The following BMERB1 variants were observed in gnomAD, a reference collection of about 807,000 sequenced individuals.
BMERB1 encodes bMERB domain-containing protein 1.
BMERB1 carries 12 observed loss-of-function variants against 23.6 expected under a neutral mutation model. That is an observed-to-expected ratio of 0.51 (90% CI 0.33 to 0.82). The LOEUF is 0.82. Among genes scored for constraint, BMERB1 ranks in the 40% least tolerant of loss-of-function variants. The probability of loss-of-function intolerance (pLI) is 0.03; values close to 1 mark genes in which losing one functional copy is unlikely to be tolerated. For missense variants in BMERB1, 247 were observed against 255.4 expected, an observed-to-expected ratio of 0.97 and a Z score of 0.22; for synonymous variants, 122 against 96.6, an observed-to-expected ratio of 1.26 and a Z score of -1.54.
chr16:15,555,016 GTGTT>G lies in BMERB1; in HGVS notation c.231-12957_231-12954del, dbSNP rs144525442. Among the ~76,000 whole-genome samples the G allele has an allele frequency of 6.0e-3, 907 of 152,180 alleles. 5 individuals carry two copies. The highest frequency in any genetic ancestry group is 0.018 in the African/African-American group (756 of 41,520). Reference sequence around the variant, plus strand: ...AAACAAAGGTAACTAAGCAATACTGGTGTTTGTTTGTTTTGAGACAGGGTCTCAC... The same window carrying G: ...AAACAAAGGTAACTAAGCAATACTGGTGTTTGTTTTGAGACAGGGTCTCAC... On this transcript the variant is annotated intron_variant, in intron 2 of 5. Coordinates refer to ENST00000300006, the MANE Select transcript of BMERB1 (RefSeq NM_033201.3).
intron 1 of BMERB1, among the ~76,000 whole-genome samples, chr16:15,462,358 T>A (rs906287195): frequency 6.6e-6 from 1 of 151,876 alleles, no homozygotes; most frequent in Non-Finnish European, 1.5e-5. Flanking sequence ...TTCACTATGT[T>A]GGCCAGGCTG....
chr16:15,551,068 A>G (rs61248543), intron 2 of BMERB1, among the ~76,000 whole-genome samples: 7,959 of 152,270 alleles, frequency 0.052, 630 homozygotes, highest in South Asian at 0.17. Flanking sequence ...CCAGCTCAGA[A>G]TAGAAACGGT....
At position 15,452,009 on chromosome 16, in the gene BMERB1, A is replaced by G. The variant is rs149889712; in HGVS notation, c.106+17250A>G. Among the ~76,000 whole-genome samples, 873 of 151,764 alleles carry G rather than the reference A, an allele frequency of 5.8e-3. 9 individuals are homozygous for G. The highest frequency in any genetic ancestry group is 0.02 in the African/African-American group (821 of 41,442). On this transcript the variant is annotated intron_variant, in intron 1 of 5. Transcript: ENST00000300006. ...TAAAACAAAAAATAGCTCTAGGCACAGTGGCTTACGCCTGAAATCCTAGCA... is the reference window on the plus strand; with the variant it reads ...TAAAACAAAAAATAGCTCTAGGCACGGTGGCTTACGCCTGAAATCCTAGCA...
intron 5 of BMERB1, 66 bp downstream of exon 5, chr16:15,583,304 ACAGTGGATCACGCCTGTAATCC>A: frequency 7.8e-7 from 1 of 1,283,642 alleles, no homozygotes; most frequent in Non-Finnish European, 1.1e-6. Context: ...GGCCAGGCCC[ACAGTGGATCACGCCTGTAATCC>A]CAGCACTATG....
intron 1 of BMERB1, among the ~76,000 whole-genome samples, chr16:15,491,463 C>A (rs2051419152): frequency 6.6e-6 from 1 of 152,140 alleles, no homozygotes; most frequent in Non-Finnish European, 1.5e-5. Flanking sequence ...GGATTACCTG[C>A]CACCACGCCC....
In BMERB1 at chr16:15,537,414, G is replaced by A. The variant is rs2052035456; in HGVS notation, c.230+21986G>A. On this transcript the variant is annotated intron_variant, in intron 2 of 5. Coordinates refer to ENST00000300006, the MANE Select transcript of BMERB1 (RefSeq NM_033201.3). ...CTGTTGCCCAGGCTGGAGTGCAGTG[G>A]CACAATCTTGGCTCACTGCAACCTT... Among the ~76,000 whole-genome samples the A allele has an allele frequency of 1.3e-5, 2 of 148,336 alleles. 1 individual carries two copies. The highest frequency in any genetic ancestry group is 4.3e-4 in the South Asian group (2 of 4,652).
At chr16:15,458,879 C>T (rs1202425519) in intron 1 of BMERB1, among the ~76,000 whole-genome samples, 2 of 151,866 alleles carry the variant, frequency 1.3e-5, no homozygotes, top group South Asian at 2.1e-4. Context: ...GGCTGAGGCG[C>T]GTGGATCACG....
At chr16:15,475,516 A>T (rs915279530) in intron 1 of BMERB1, among the ~76,000 whole-genome samples, 4 of 152,222 alleles carry the variant, frequency 2.6e-5, no homozygotes, top group Non-Finnish European at 4.4e-5. Context: ...GGAGGGCAGA[A>T]TACAGGTAAG....
chr16:15,450,846 A>G lies in BMERB1; in HGVS notation c.106+16087A>G, dbSNP rs374958445. Among the ~76,000 whole-genome samples the G allele has an allele frequency of 5.9e-5, 9 of 152,200 alleles. No homozygotes were observed. In the South Asian group the frequency reaches 1.5e-3, roughly 25 times the overall value. On this transcript the variant is annotated intron_variant, in intron 1 of 5. Coordinates refer to ENST00000300006, the MANE Select transcript of BMERB1 (RefSeq NM_033201.3). ...TTCGATGCTATGCTTGGCTCTTCCA[A>G]CCACCATTTGTGGCTTTTTGCTGCC...
At chr16:15,448,181 C>T (rs765173453) in intron 1 of BMERB1, 61 of 286,148 alleles carry the variant, frequency 2.1e-4, no homozygotes, top group Non-Finnish European at 3.9e-4. Flanking sequence ...TGAGCCACTG[C>T]GCCTGGCCGG....
intron 1 of BMERB1, among the ~76,000 whole-genome samples, chr16:15,475,028 A>G (rs1489970010): frequency 2.0e-5 from 3 of 151,928 alleles, no homozygotes; most frequent in African/African-American, 4.8e-5. Flanking sequence ...CTGTTGAGCT[A>G]TAGTATGAGG....
At chr16:15,499,460 C>T (rs1248864191) in intron 1 of BMERB1, among the ~76,000 whole-genome samples, 2 of 152,110 alleles carry the variant, frequency 1.3e-5, no homozygotes, top group African/African-American at 4.8e-5. Context: ...CCTCTGCTCC[C>T]TTTGTCATTT....
At chr16:15,584,582 A>G (rs1596405929) in intron 5 of BMERB1, among the ~76,000 whole-genome samples, 1 of 152,066 alleles carries the variant, frequency 6.6e-6, no homozygotes, top group Admixed American at 6.5e-5. Context: ...GAAAGAAAGA[A>G]AAGAAATGGA....
intron 2 of BMERB1, 27 bp downstream of exon 2, chr16:15,515,455 G>A (rs1168427698): frequency 6.2e-7 from 1 of 1,609,622 alleles, no homozygotes; most frequent in East Asian, 2.2e-5. Context: ...TGTGGCCAAG[G>A]AAAGAAGTGT....
At chr16:15,472,265 C>G (rs750088635) in intron 1 of BMERB1, among the ~76,000 whole-genome samples, 1 of 152,182 alleles carries the variant, frequency 6.6e-6, no homozygotes, top group Admixed American at 6.5e-5. Flanking sequence ...ACTTAAATAT[C>G]AATTAAGTTG....
At chr16:15,488,227 T>G (rs948729097) in intron 1 of BMERB1, among the ~76,000 whole-genome samples, 3 of 152,134 alleles carry the variant, frequency 2.0e-5, no homozygotes, top group African/African-American at 7.2e-5. Context: ...TAATAAAGCT[T>G]TATTTATAGA....
chr16:15,498,880 G>A (rs2051500294), intron 1 of BMERB1, among the ~76,000 whole-genome samples: 1 of 152,232 alleles, frequency 6.6e-6, no homozygotes, highest in African/African-American at 2.4e-5. Context: ...ACAGCCTACA[G>A]TGTTTAGCAC....
intron 1 of BMERB1, among the ~76,000 whole-genome samples, chr16:15,456,134 T>G (rs2051085683): frequency 6.6e-6 from 1 of 152,182 alleles, no homozygotes; most frequent in Non-Finnish European, 1.5e-5. Context: ...TACTTTCTAC[T>G]TCAGGAAGAA....
intron 1 of BMERB1, among the ~76,000 whole-genome samples, chr16:15,496,352 G>T (rs544999503): frequency 1.8e-4 from 28 of 152,202 alleles, no homozygotes; most frequent in Non-Finnish European, 5.9e-5. Context: ...CACATTAAGA[G>T]CCTTATATAC....
Sources: allele counts gnomAD v4.1 joint callset (sites outside exome capture counted in the v4.1 genomes callset), GRCh38; gene constraint gnomAD v4.1.1; transcripts MANE v1.5; gene names NCBI Gene and HGNC (gene_info 2026-07-23, HGNC 2026-07-21).